Variants in MAPK4 observed in about 807,000 individuals in gnomAD.
MAPK4 encodes the protein Erk3-related.
A neutral mutation model predicts 47.7 loss-of-function variants in MAPK4; 22 were observed. The observed-to-expected ratio is 0.46, with a 90% CI of 0.33 to 0.66. MAPK4 has a LOEUF of 0.66. Among genes scored for constraint, MAPK4 ranks in the 30% least tolerant of loss-of-function variants. The probability of loss-of-function intolerance (pLI) is 0.02; values close to 1 mark genes in which losing one functional copy is unlikely to be tolerated. For synonymous variants in MAPK4, 390 were observed against 365.7 expected (o/e 1.07, Z -0.76); for missense variants, 736 against 831.7 (o/e 0.88, Z 1.42).
chr18:50,674,748 G>A (rs1598896900), intron 2 of MAPK4, among the ~76,000 whole-genome samples: 1 of 152,212 alleles, frequency 6.6e-6, no homozygotes, highest in East Asian at 1.9e-4. Flanking sequence ...CTGTTTACAT[G>A]CCTCTTCCCA....
intron 2 of MAPK4, among the ~76,000 whole-genome samples, chr18:50,700,160 C>A (rs1909711724): frequency 6.6e-6 from 1 of 152,204 alleles, no homozygotes; most frequent in East Asian, 1.9e-4. Flanking sequence ...TCATCCCCAT[C>A]CTGAAGCCAT....
At chr18:50,624,140 G>A (rs1365208704) in intron 1 of MAPK4, among the ~76,000 whole-genome samples, 1 of 152,172 alleles carries the variant, frequency 6.6e-6, no homozygotes, top group Non-Finnish European at 1.5e-5. Context: ...TCTCACTGCA[G>A]TGTAAATTCC....
chr18:50,595,115 G>A (rs2042470604), intron 1 of MAPK4, among the ~76,000 whole-genome samples: 1 of 152,194 alleles, frequency 6.6e-6, no homozygotes. Flanking sequence ...GGAGTATAAA[G>A]TGATACAATT....
chr18:50,658,111 G>GT lies in MAPK4; in HGVS notation c.-870-4972dup, dbSNP rs139524657. 8.7e-3 allele frequency among the ~76,000 whole-genome samples: 1,320 copies of GT among 152,154 alleles called. 22 individuals are homozygous for GT. Among genetic ancestry groups the GT allele is most frequent in the African/African-American group, 0.03 (1,260 of 41,498 alleles). ...GGGGTGTGGTTGTTTAAAATCAAGG[G>GT]TTTTTTACTCCACTTTTAATATTAT... On this transcript the variant is annotated intron_variant, in intron 1 of 5. Coordinates refer to ENST00000400384, the MANE Select transcript of MAPK4 (RefSeq NM_002747.4).
intron 1 of MAPK4, among the ~76,000 whole-genome samples, chr18:50,593,547 G>A (rs34544004): frequency 4.3e-4 from 65 of 152,252 alleles, no homozygotes; most frequent in Non-Finnish European, 6.0e-4. Context: ...AAACTCCCTG[G>A]CTCATTGTGA....
chr18:50,719,511 G>A (rs1056936259), intron 3 of MAPK4, among the ~76,000 whole-genome samples: 4 of 152,082 alleles, frequency 2.6e-5, no homozygotes, highest in Admixed American at 6.6e-5. Context: ...GGGAGGTCTC[G>A]CCCTGGACTC....
chr18:50,616,147 C>T (rs924029417), intron 1 of MAPK4, among the ~76,000 whole-genome samples: 1 of 152,150 alleles, frequency 6.6e-6, no homozygotes, highest in African/African-American at 2.4e-5. Context: ...GGGTATATGT[C>T]TTAAGGGTCT....
intron 1 of MAPK4, among the ~76,000 whole-genome samples, chr18:50,611,856 C>G (rs1170800998): frequency 6.6e-6 from 1 of 152,184 alleles, no homozygotes; most frequent in African/African-American, 2.4e-5. Flanking sequence ...ATCACTTTCC[C>G]TGATCAGAAT....
chr18:50,592,883 T>G (rs1221208549), intron 1 of MAPK4, among the ~76,000 whole-genome samples: 1 of 152,238 alleles, frequency 6.6e-6, no homozygotes, highest in Non-Finnish European at 1.5e-5. Flanking sequence ...GAGTTAAAAC[T>G]TAGCATCTCG....
intron 1 of MAPK4, among the ~76,000 whole-genome samples, chr18:50,614,489 C>G (rs2042666862): frequency 1.3e-5 from 2 of 151,904 alleles, no homozygotes; most frequent in Admixed American, 1.3e-4. Context: ...TTTTAAAACA[C>G]TTATTTGAAT....
At chr18:50,561,951 A>G (rs1472783843) in intron 1 of MAPK4, among the ~76,000 whole-genome samples, 1 of 152,236 alleles carries the variant, frequency 6.6e-6, no homozygotes, top group Non-Finnish European at 1.5e-5. Flanking sequence ...CATGCTGGAG[A>G]CAGACAAAAA....
intron 1 of MAPK4, among the ~76,000 whole-genome samples, chr18:50,623,926 G>T (rs2042753814): frequency 6.6e-6 from 1 of 152,218 alleles, no homozygotes; most frequent in African/African-American, 2.4e-5. Flanking sequence ...CTTGCTGTGT[G>T]CACTGCCTGG....
rs1448325424 is a variant in MAPK4 at position 50,729,628 on chromosome 18, A to AC, written c.1542dup (p.Glu515ArgfsTer46). The AC allele has an allele frequency of 7.1e-7, 1 of 1,407,342 alleles. No individual in the cohort carries two copies. Among genetic ancestry groups the AC allele is most frequent in the Non-Finnish European group, 9.2e-7 (1 of 1,082,638 alleles). The allele number at this position is 1,407,342 out of a possible 1,614,324, so 87.2% of individuals were successfully genotyped here. ...GAGCACGCCAGCCCGCCCGCCGACG[A>AC]CCCCGAGCGCCGCTTGTCTGCCTCG... On this transcript the variant is annotated frameshift_variant, in exon 6 of 6. Transcript: ENST00000400384. LOFTEE classifies it high-confidence loss of function.
At chr18:50,701,068 C>T (rs1370999702) in intron 2 of MAPK4, among the ~76,000 whole-genome samples, 1 of 152,124 alleles carries the variant, frequency 6.6e-6, no homozygotes, top group Non-Finnish European at 1.5e-5. Context: ...AGATGATTTT[C>T]CTCCGCCTAT....
intron 1 of MAPK4, among the ~76,000 whole-genome samples, chr18:50,580,944 T>A (rs772046010): frequency 6.6e-6 from 1 of 152,190 alleles, no homozygotes; most frequent in Non-Finnish European, 1.5e-5. Flanking sequence ...CAAACACATC[T>A]GCCTTTCCAT....
At chr18:50,698,260 T>G (rs1403108304) in intron 2 of MAPK4, among the ~76,000 whole-genome samples, 1 of 152,166 alleles carries the variant, frequency 6.6e-6, no homozygotes, top group African/African-American at 2.4e-5. Flanking sequence ...AGCCCTAAAT[T>G]ATCAAGGAAC....
intron 2 of MAPK4, among the ~76,000 whole-genome samples, chr18:50,691,027 G>A (rs1909184844): frequency 6.6e-6 from 1 of 151,792 alleles, no homozygotes; most frequent in Non-Finnish European, 1.5e-5. Flanking sequence ...GGGTCTCGCT[G>A]TGTCGCCCAG....
At chr18:50,694,424 T>C (rs1909396388) in intron 2 of MAPK4, among the ~76,000 whole-genome samples, 1 of 152,176 alleles carries the variant, frequency 6.6e-6, no homozygotes, top group African/African-American at 2.4e-5. Context: ...GAGAGACAAA[T>C]GGCAAACTCC....
intron 3 of MAPK4, among the ~76,000 whole-genome samples, chr18:50,717,248 C>T (rs377567415): frequency 2.0e-5 from 3 of 152,126 alleles, no homozygotes; most frequent in Non-Finnish European, 2.9e-5. Context: ...AGATCTGAAG[C>T]GAGTATCAGA....
Sources: gnomAD v4.1 joint callset for allele counts (sites outside exome capture counted in the v4.1 genomes callset) on GRCh38, gnomAD v4.1.1 for gene constraint, MANE v1.5 for transcripts, NCBI Gene and HGNC (gene_info 2026-07-23, HGNC 2026-07-21) for gene names.